LRRTM4: variants seen among roughly 807,000 people sequenced by gnomAD.
LRRTM4 encodes leucine-rich repeat transmembrane neuronal protein 4.
A neutral mutation model predicts 47.6 loss-of-function variants in LRRTM4; 25 were observed. That is an observed-to-expected ratio of 0.53 (90% CI 0.38 to 0.73). The LOEUF (loss-of-function observed/expected upper bound fraction) is 0.73. Ranked by LOEUF, LRRTM4 falls within the 30% of genes least tolerant of loss-of-function variation. The pLI is 0.00. For missense variants in LRRTM4, 638 were observed against 713.4 expected, an observed-to-expected ratio of 0.89 and a Z score of 1.20; for synonymous variants, 311 against 269.5, an observed-to-expected ratio of 1.15 and a Z score of -1.51.
chr2:76,922,697 A>C (rs1674470242), intron 3 of LRRTM4, among the ~76,000 whole-genome samples: 1 of 151,022 alleles, frequency 6.6e-6, no homozygotes, highest in Admixed American at 6.6e-5. Flanking sequence ...GGAGGCCTAA[A>C]TGTACAGCAT....
At chr2:76,998,690 C>T (rs1027672158) in intron 3 of LRRTM4, among the ~76,000 whole-genome samples, 2 of 151,090 alleles carry the variant, frequency 1.3e-5, no homozygotes, top group African/African-American at 4.9e-5. Flanking sequence ...CCCAAAAAAA[C>T]AAAAAACACA....
At chr2:76,963,491 C>A (rs896803409) in intron 3 of LRRTM4, among the ~76,000 whole-genome samples, 3 of 150,498 alleles carry the variant, frequency 2.0e-5, no homozygotes, top group Admixed American at 1.3e-4. Flanking sequence ...GGCCAAGAAA[C>A]CTTTGAAAAA....
At chr2:76,851,522 G>T (rs912530644) in intron 3 of LRRTM4, among the ~76,000 whole-genome samples, 2 of 151,974 alleles carry the variant, frequency 1.3e-5, no homozygotes, top group African/African-American at 4.8e-5. Flanking sequence ...GCTGACAGAT[G>T]CCCACCTAGA....
At chr2:77,518,216 G>C in intron 3 of LRRTM4, 102 bp downstream of exon 3, 1 of 1,388,386 alleles carries the variant, frequency 7.2e-7, no homozygotes, top group Non-Finnish European at 9.3e-7. Context: ...AAAGCAAAAG[G>C]GTCATTAATC....
intron 3 of LRRTM4, among the ~76,000 whole-genome samples, chr2:77,367,605 C>T (rs1044189269): frequency 6.6e-6 from 1 of 151,840 alleles, no homozygotes; most frequent in Non-Finnish European, 1.5e-5. Flanking sequence ...CTTCTTCTAG[C>T]TCTACTCTTT....
chr2:77,289,233 TG>T (rs1676751527), intron 3 of LRRTM4, among the ~76,000 whole-genome samples: 2 of 151,626 alleles, frequency 1.3e-5, no homozygotes, highest in South Asian at 4.2e-4. Flanking sequence ...TCCTTTTTTT[TG>T]TTACAACAAT....
chr2:76,768,221 T>G (rs2104103186), intron 3 of LRRTM4, among the ~76,000 whole-genome samples: 2 of 152,300 alleles, frequency 1.3e-5, no homozygotes, highest in Middle Eastern at 3.4e-3. Context: ...CTCTAAGAAA[T>G]TATGACAATA....
chr2:77,334,438 G>A (rs1464320171), intron 3 of LRRTM4, among the ~76,000 whole-genome samples: 5 of 152,108 alleles, frequency 3.3e-5, no homozygotes, highest in Admixed American at 3.3e-4. Context: ...TGGGGGCATG[G>A]TCTTTCCCGG....
At chr2:77,464,719 C>A (rs2103979159) in intron 3 of LRRTM4, among the ~76,000 whole-genome samples, 1 of 152,162 alleles carries the variant, frequency 6.6e-6, no homozygotes, top group African/African-American at 2.4e-5. Flanking sequence ...ATTAACTATC[C>A]ATTCCTTGAT....
chr2:77,048,282 C>T (rs11885993), intron 3 of LRRTM4, among the ~76,000 whole-genome samples: 21 of 151,950 alleles, frequency 1.4e-4, no homozygotes, highest in Admixed American at 3.9e-4. Context: ...GAAGTATTGG[C>T]GTGAGAAATT....
rs530134564 is a variant in LRRTM4, at chr2:76,910,644, CCATA to C, written c.1552-161732_1552-161729del. On this transcript the variant is annotated intron_variant, in intron 3 of 3. Transcript: ENST00000409884. ...CTAGTATTAAATTTTTTATTCACGACCATAAATAATAACTTTGTGGCTTTGAAGA... is the reference window on the plus strand; with the variant it reads ...CTAGTATTAAATTTTTTATTCACGACAATAATAACTTTGTGGCTTTGAAGA... 9.2e-5 allele frequency among the ~76,000 whole-genome samples: 14 copies of C among 152,228 alleles called. No homozygotes were observed. In the South Asian group the frequency reaches 2.5e-3, roughly 27 times the overall value.
chr2:76,901,663 G>A (rs1673638409), intron 3 of LRRTM4, among the ~76,000 whole-genome samples: 1 of 152,150 alleles, frequency 6.6e-6, no homozygotes, highest in Non-Finnish European at 1.5e-5. Context: ...AGAATGACAT[G>A]TTACTGTCTG....
At chr2:77,320,091 G>T (rs558881992) in intron 3 of LRRTM4, among the ~76,000 whole-genome samples, 1 of 151,914 alleles carries the variant, frequency 6.6e-6, no homozygotes, top group East Asian at 1.9e-4. Context: ...TCCCTACTTT[G>T]GTCTTTGTTG....
At chr2:76,965,264 C>G (rs1324200033) in intron 3 of LRRTM4, among the ~76,000 whole-genome samples, 2 of 151,122 alleles carry the variant, frequency 1.3e-5, no homozygotes, top group African/African-American at 4.8e-5. Flanking sequence ...AAACTACAGA[C>G]CAATCTCTCT....
At chr2:77,050,793 C>T (rs1679405299) in intron 3 of LRRTM4, among the ~76,000 whole-genome samples, 1 of 152,208 alleles carries the variant, frequency 6.6e-6, no homozygotes. Context: ...TTATTTATTT[C>T]ATAGGATTGA....
intron 3 of LRRTM4, among the ~76,000 whole-genome samples, chr2:76,795,617 C>G (rs72815441): frequency 1.5e-5 from 2 of 130,048 alleles, no homozygotes; most frequent in Non-Finnish European, 3.4e-5. Flanking sequence ...TTTTCTTTAT[C>G]CATCCATTGA....
chr2:76,921,411 A>G (rs1033376131), intron 3 of LRRTM4, among the ~76,000 whole-genome samples: 3 of 152,196 alleles, frequency 2.0e-5, no homozygotes, highest in East Asian at 3.9e-4. Flanking sequence ...TGGTAGAGGT[A>G]ATGTTTGACA....
intron 3 of LRRTM4, among the ~76,000 whole-genome samples, chr2:77,151,008 G>A (rs988402802): frequency 3.3e-5 from 5 of 151,988 alleles, no homozygotes; most frequent in East Asian, 1.9e-4. Flanking sequence ...ATTGGTATAC[G>A]AAAAACTGTT....
intron 3 of LRRTM4, among the ~76,000 whole-genome samples, chr2:76,899,533 G>T (rs1018838865): frequency 6.6e-6 from 1 of 152,074 alleles, no homozygotes; most frequent in Non-Finnish European, 1.5e-5. Flanking sequence ...CCTGGGAGAA[G>T]ATATCCTACA....
Sources: allele counts gnomAD v4.1 joint callset (sites outside exome capture counted in the v4.1 genomes callset), GRCh38; gene constraint gnomAD v4.1.1; transcripts MANE v1.5; gene names NCBI Gene and HGNC (gene_info 2026-07-23, HGNC 2026-07-21).